MYBPC3: variants seen among roughly 807,000 people sequenced by gnomAD.
MYBPC3 encodes the protein myosin-binding protein C, cardiac-type.
In MYBPC3, 108 loss-of-function variants were observed where a neutral mutation model predicts 159.3. The observed-to-expected ratio is 0.68, with a 90% confidence interval of 0.58 to 0.80. MYBPC3 has a LOEUF of 0.80. Among genes scored for constraint, MYBPC3 ranks in the 30% least tolerant of loss-of-function variants. The pLI is 0.00. For synonymous variants in MYBPC3, 730 were observed against 702.0 expected (o/e 1.04, Z -0.63); for missense variants, 1,631 against 1,762.1 (o/e 0.93, Z 1.33).
chr11:47,347,329 A>G, intron 9 of MYBPC3, 97 bp downstream of exon 9: 4 of 1,548,110 alleles, frequency 2.6e-6, no homozygotes, highest in Non-Finnish European at 3.5e-6. Context: ...AGAGAGGTGC[A>G]GTGTTGTGCT....
In MYBPC3 at chr11:47,335,054, G is replaced by A. The variant is rs730880578; in HGVS notation, c.2893C>T (p.Gln965Ter). ...PVTTTEPVTV[Q>*]EILQRPRLQL... ...AAGGGGCACTCACGCAGGATCTCCT[G>A]CACTGTCACCGGCTCCGTGGTGGTA... The change falls in exon 27 of 35, where the codon CAG becomes TAG. Residue 965 changes from glutamine (Q) to a stop codon, truncating the protein, a stop_gained. Coordinates refer to ENST00000545968, the MANE Select transcript of MYBPC3 (RefSeq NM_000256.3). LOFTEE classifies it high-confidence loss of function. 6.4e-7 allele frequency: 1 copy of A among 1,566,268 alleles called. No homozygotes were observed. The highest frequency in any genetic ancestry group is 8.7e-7 in the Non-Finnish European group (1 of 1,151,878).
Position 47,332,635 on chromosome 11 carries a change from G to C in MYBPC3, c.3558C>G (p.Pro1186=), listed in dbSNP as rs577832590. 1.9e-6 allele frequency: 3 copies of C among 1,613,878 alleles called. No homozygotes were observed. The highest frequency in any genetic ancestry group is 2.7e-5 in the African/African-American group (2 of 75,048). Residue 1186 remains proline, a synonymous_variant, in exon 32 of 35, where the codon CCC becomes CCG. Coordinates refer to ENST00000545968, the MANE Select transcript of MYBPC3 (RefSeq NM_000256.3). This position sits in a 1 kb window ranked among gnomAD's most constrained non-coding sequence, Gnocchi z 4.2. ...DFSEAPSFTQ[P]LVNRSVIAGY... Reference sequence around the variant, plus strand: ...CCGCGATGACCGAGCGGTTCACCAGGGGCTGGGTGAAGCTTGGGGCCTCGG... The same window carrying C: ...CCGCGATGACCGAGCGGTTCACCAGCGGCTGGGTGAAGCTTGGGGCCTCGG...
rs754240709 is a variant in MYBPC3, at chr11:47,341,978, C to G, written c.1790+13G>C. On this transcript the variant is annotated intron_variant, in intron 18 of 34. Transcript: ENST00000545968. ...GTCTCCACCTGTCCCATCCACCTGC[C>G]CTGCACACTCACCGCCCGATGTGGG... 4.5e-6 allele frequency: 7 copies of G among 1,554,286 alleles called. No homozygotes were observed. In the East Asian group the frequency reaches 1.5e-4, roughly 32 times the overall value.
At chr11:47,339,498 GC>G in intron 21 of MYBPC3, 94 bp from the exon 22 acceptor site, 1 of 1,499,340 alleles carries the variant, frequency 6.7e-7, no homozygotes, top group South Asian at 1.2e-5. Context: ...GACCCACACT[GC>G]CCACCTTGCC....
chr11:47,334,984 A>T, intron 27 of MYBPC3, 58 bp downstream of exon 27: 1 of 1,424,046 alleles, frequency 7.0e-7, no homozygotes, highest in Non-Finnish European at 9.3e-7. Context: ...CCTCCACTGG[A>T]CACCAAGGGC....
rs867571018 is a variant in MYBPC3 at position 47,349,889 on chromosome 11, C to T, written c.539G>A (p.Gly180Asp). The T allele has an allele frequency of 9.3e-6, 15 of 1,610,632 alleles. No individual in the cohort carries two copies. Among genetic ancestry groups the T allele is most frequent in the Middle Eastern group, 1.7e-4 (1 of 6,040 alleles). Residue 180 changes from glycine to aspartate, a missense_variant, in exon 5 of 35, where the codon GGC (glycine) becomes GAC (aspartate). Transcript: ENST00000545968. The stretch of plus-strand genomic sequence containing the variant: ...CACAGGCGGCTTCAGGAGGCTGGCG[C>T]CGGCCACGCGGGCTGAGAAGGTGAT... The part of the protein sequence containing the change: ...GSITFSARVA[G>D]ASLLKPPVVK...
intron 19 of MYBPC3, 29 bp from the exon 20 acceptor site, chr11:47,341,061 G>A (rs764337322): frequency 2.7e-5 from 42 of 1,574,048 alleles, no homozygotes; most frequent in Admixed American, 5.5e-5. Context: ...CAAGTAGCAC[G>A]GGGGCAAAGG....
Position 47,341,991 on chromosome 11 carries a change from C to T in MYBPC3, c.1790G>A (p.Arg597Gln), listed in dbSNP as rs727503195. ...CCATCCACCTGCCCTGCACACTCACCGCCCGATGTGGGACACCTTTATGCG... is the reference window on the plus strand; with the variant it reads ...CCATCCACCTGCCCTGCACACTCACTGCCCGATGTGGGACACCTTTATGCG... ...DSRIKVSHIGRVHKLTIDDVT... is the reference protein window; with the variant it reads ...DSRIKVSHIGQVHKLTIDDVT... Residue 597 changes from arginine (R) to glutamine (Q), a missense_variant and splice_region_variant, in exon 18 of 35, where the codon CGG becomes CAG. Physicochemically the swap from Arg to Gln is conservative, Grantham distance 43. Transcript: ENST00000545968. 1.5e-5 allele frequency: 24 copies of T among 1,557,688 alleles called. No homozygotes were observed. The Admixed American group carries it at 1.8e-4, about 11-fold the overall frequency.
rs769536658 is a variant in MYBPC3, at chr11:47,351,552, AC to A, written c.26-48del. On this transcript the variant is annotated intron_variant, in intron 1 of 34. Coordinates refer to ENST00000545968, the MANE Select transcript of MYBPC3 (RefSeq NM_000256.3). This position sits in a 1 kb window ranked among gnomAD's most constrained non-coding sequence, Gnocchi z 4.2. ...ACAGCGGCCCCTGGTTGGAGCGTGC[AC>A]CCCGCCCCTGCAGCCCCTCTCAGTA... is the stretch of plus-strand genomic sequence containing the variant. 4 of 1,516,434 alleles carry A rather than the reference AC, an allele frequency of 2.6e-6. No homozygotes were observed. In the Admixed American group the frequency reaches 6.0e-5, roughly 23 times the overall value. The allele number at this position is 1,516,434 out of a possible 1,614,324, so 93.9% of individuals were successfully genotyped here.
rs1231036648 is a variant in MYBPC3, at chr11:47,337,919, G to A, written c.2309-125C>T. 1.1e-5 allele frequency: 7 copies of A among 625,710 alleles called. No individual in the cohort carries two copies. In the East Asian group the frequency reaches 1.8e-4, roughly 16 times the overall value. 38.8% of individuals were successfully genotyped at this position (625,710 alleles called of 1,614,324 possible). On this transcript the variant is annotated intron_variant, in intron 23 of 34. Coordinates refer to ENST00000545968, the MANE Select transcript of MYBPC3 (RefSeq NM_000256.3). ...CCCCCACCACCCCCAGATCCAAAGA[G>A]ATCTTTCTAGAATGCATTTCTTTCT...
chr11:47,346,315 C>G lies in MYBPC3; in HGVS notation c.982G>C (p.Ala328Pro). Residue 328 changes from alanine (A) to proline (P), a missense_variant, in exon 12 of 35, where the codon GCA becomes CCA. Transcript: ENST00000545968. The surrounding 1 kb of genome is among the most constrained non-coding windows in gnomAD (Gnocchi z 5.3). ...ATGCGCTCGTACTCAGATGGGGGTG[C>G]CTGCCGTAGGATCTCCCACACGTCC... ...EEDVWEILRQ[A>P]PPSEYERIAF... The G allele has an allele frequency of 6.2e-7, 1 of 1,612,262 alleles. No individual in the cohort carries two copies. The highest frequency in any genetic ancestry group is 8.5e-7 in the Non-Finnish European group (1 of 1,179,096).
Position 47,338,729 on chromosome 11 carries a change from C to A in MYBPC3, c.2149-50G>T. ...AGATCCAAGTCAGACCCCAGAGGCC[C>A]TTGCAGCCTCCGCCAACAGCCAGAT... On this transcript the variant is annotated intron_variant, in intron 22 of 34. Coordinates refer to ENST00000545968, the MANE Select transcript of MYBPC3 (RefSeq NM_000256.3). This position sits in a 1 kb window ranked among gnomAD's most constrained non-coding sequence, Gnocchi z 4.7. 1.3e-6 allele frequency: 2 copies of A among 1,538,320 alleles called. No individual in the cohort carries two copies. The highest frequency in any genetic ancestry group is 1.8e-6 in the Non-Finnish European group (2 of 1,141,760).
chr11:47,341,349 G>C, intron 18 of MYBPC3, 105 bp from the exon 19 acceptor site: 1 of 787,814 alleles, frequency 1.3e-6, no homozygotes, highest in Non-Finnish European at 2.0e-6. Context: ...GTCCTGGCTT[G>C]TTGGTATTCT....
Position 47,351,166 on chromosome 11 carries a change from G to T in MYBPC3, c.292+73C>A, listed in dbSNP as rs1253725751. The stretch of plus-strand genomic sequence containing the variant: ...GTGTGAAAGCACCTCCTGTTCCCTG[G>T]ATGGATGGAGAGTCGCTGGGCTGCC... On this transcript the variant is annotated intron_variant, in intron 2 of 34. Coordinates refer to ENST00000545968, the MANE Select transcript of MYBPC3 (RefSeq NM_000256.3). The surrounding 1 kb of genome is among the most constrained non-coding windows in gnomAD (Gnocchi z 4.2). The T allele has an allele frequency of 5.6e-6, 8 of 1,438,268 alleles. No individual in the cohort carries two copies. The highest frequency in any genetic ancestry group is 7.4e-6 in the Non-Finnish European group (8 of 1,086,970). The allele number at this position is 1,438,268 out of a possible 1,614,324, so 89.1% of individuals were successfully genotyped here. A position where few individuals can be genotyped will look rare whatever the true frequency, so the allele number is the denominator to read the frequency against.
Position 47,346,976 on chromosome 11 carries a change from T to C in MYBPC3, c.908+51A>G, listed in dbSNP as rs1177575769. 1 of 769,994 alleles carries C rather than the reference T, an allele frequency of 1.3e-6. No homozygotes were observed. The highest frequency in any genetic ancestry group is 1.7e-5 in the Admixed American group (1 of 58,942). 47.7% of individuals were successfully genotyped at this position (769,994 alleles called of 1,614,324 possible). On this transcript the variant is annotated intron_variant, in intron 10 of 34. Transcript: ENST00000545968. This position sits in a 1 kb window ranked among gnomAD's most constrained non-coding sequence, Gnocchi z 5.3. ...TCAGAGAGGGGACGGGAATCCCCTC[T>C]GCACCCACCAGCGCCCTGCCGCCCC...
At position 47,351,182 on chromosome 11, in the gene MYBPC3, C is replaced by CGGGGGGGGG; in HGVS notation, c.292+56_292+57insCCCCCCCCC. ...TGTTCCCTGGATGGATGGAGAGTCG[C>CGGGGGGGGG]TGGGCTGCCCCTCCCCCAGCAGCCC... On this transcript the variant is annotated intron_variant, in intron 2 of 34. Transcript: ENST00000545968. This position sits in a 1 kb window ranked among gnomAD's most constrained non-coding sequence, Gnocchi z 4.2. 1.4e-6 allele frequency: 2 copies of CGGGGGGGGG among 1,451,586 alleles called. No homozygotes were observed. The highest frequency in any genetic ancestry group is 1.8e-6 in the Non-Finnish European group (2 of 1,091,556). 89.9% of individuals were successfully genotyped at this position (1,451,586 alleles called of 1,614,324 possible).
Position 47,333,566 on chromosome 11 carries a change from G to A in MYBPC3, c.3181C>T (p.Gln1061Ter), listed in dbSNP as rs397516005. 8.1e-6 allele frequency: 13 copies of A among 1,600,156 alleles called. No individual in the cohort carries two copies. ...NMEDKATLVL[Q>*]VVDKPSPPQD... ...GGCCTTGGCCACGCACCAACAACCT[G>A]CAGCACCAGCGTGGCCTTGTCCTCC... The change falls in exon 29 of 35, where the codon CAG (glutamine) becomes TAG (stop). Residue 1061 changes from glutamine (Q) to a stop codon, truncating the protein, a stop_gained. Coordinates refer to ENST00000545968, the MANE Select transcript of MYBPC3 (RefSeq NM_000256.3). LOFTEE classifies it high-confidence loss of function.
Position 47,338,760 on chromosome 11 carries a change from G to C in MYBPC3, c.2149-81C>G. ...GCCTCCGCCAACAGCCAGATGTCCC[G>C]GGGGTCCATGGGGGGAACACAGCCT... is the stretch of plus-strand genomic sequence containing the variant. On this transcript the variant is annotated intron_variant, in intron 22 of 34. Coordinates refer to ENST00000545968, the MANE Select transcript of MYBPC3 (RefSeq NM_000256.3). The surrounding 1 kb of genome is among the most constrained non-coding windows in gnomAD (Gnocchi z 4.7). 7.0e-7 allele frequency: 1 copy of C among 1,427,350 alleles called. No homozygotes were observed. The highest frequency in any genetic ancestry group is 2.3e-5 in the Admixed American group (1 of 42,960). The allele number at this position is 1,427,350 out of a possible 1,614,324, so 88.4% of individuals were successfully genotyped here.
Position 47,332,289 on chromosome 11 carries a change from C to G in MYBPC3, c.3628-31G>C, listed in dbSNP as rs760626322. 2 of 1,604,302 alleles carry G rather than the reference C, an allele frequency of 1.2e-6. No homozygotes were observed. The highest frequency in any genetic ancestry group is 1.7e-5 in the Admixed American group (1 of 59,998). Reference sequence around the variant, plus strand: ...AATAAGGTAAAGAGAGGGAGGGAAGCCATCCAGGCTGAGAGGGGACCTGGC... The same window carrying G: ...AATAAGGTAAAGAGAGGGAGGGAAGGCATCCAGGCTGAGAGGGGACCTGGC... On this transcript the variant is annotated intron_variant, in intron 32 of 34. Coordinates refer to ENST00000545968, the MANE Select transcript of MYBPC3 (RefSeq NM_000256.3). The surrounding 1 kb of genome is among the most constrained non-coding windows in gnomAD (Gnocchi z 4.2).
Sources: allele counts gnomAD v4.1 joint callset, GRCh38; gene constraint gnomAD v4.1.1; non-coding constraint Gnocchi (gnomAD v3.1); transcripts MANE v1.5; gene names NCBI Gene and HGNC (gene_info 2026-07-23, HGNC 2026-07-21).